The following MEI4 variants were observed in gnomAD, a reference collection of about 807,000 sequenced individuals.
MEI4 encodes the protein meiotic double-stranded break formation protein 4.
MEI4 carries 27 observed loss-of-function variants against 31.4 expected under a neutral mutation model. The observed-to-expected ratio is 0.86, with a 90% CI of 0.63 to 1.19. The LOEUF is 1.19. MEI4 is among the 50% of genes most tolerant of loss of function. The pLI, the probability that MEI4 is intolerant of heterozygous loss-of-function variation, is 0.00. For synonymous variants in MEI4, 122 were observed against 145.4 expected (o/e 0.84, Z 1.16); for missense variants, 329 against 398.9 (o/e 0.82, Z 1.49).
At chr6:77,911,337 A>C (rs957058112) in intron 4 of MEI4, among the ~76,000 whole-genome samples, 1 of 151,980 alleles carries the variant, frequency 6.6e-6, no homozygotes, top group Admixed American at 6.6e-5. Context: ...CACAGGGTAC[A>C]TATGCAAGTT....
intron 3 of MEI4, among the ~76,000 whole-genome samples, chr6:77,823,312 C>CT (rs578161964): frequency 7.7e-4 from 117 of 152,282 alleles, no homozygotes; most frequent in Non-Finnish European, 1.5e-3. Context: ...TACCTTCACT[C>CT]TAAGTACACT....
intron 2 of MEI4, among the ~76,000 whole-genome samples, chr6:77,759,561 A>G (rs1561978057): frequency 6.6e-6 from 1 of 152,066 alleles, no homozygotes; most frequent in Non-Finnish European, 1.5e-5. Context: ...TTACTATTTC[A>G]TTTGGCAGCA....
chr6:77,801,872 G>C (rs1769271485), intron 3 of MEI4, among the ~76,000 whole-genome samples: 1 of 152,150 alleles, frequency 6.6e-6, no homozygotes, highest in Admixed American at 6.6e-5. Context: ...TTTTACATTT[G>C]CTGAGGAGTG....
At chr6:77,699,615 C>A (rs1766159717) in intron 2 of MEI4, among the ~76,000 whole-genome samples, 1 of 152,182 alleles carries the variant, frequency 6.6e-6, no homozygotes. Flanking sequence ...TGTTCCATTG[C>A]TGGTGAGGAG....
chr6:77,916,778 T>C (rs1442084119), intron 4 of MEI4, among the ~76,000 whole-genome samples: 1 of 142,544 alleles, frequency 7.0e-6, no homozygotes, highest in Non-Finnish European at 1.5e-5. Context: ...TTTTTTTTTT[T>C]AATATTATAC....
chr6:77,694,777 C>T (rs1765974181), intron 2 of MEI4, among the ~76,000 whole-genome samples: 1 of 151,710 alleles, frequency 6.6e-6, no homozygotes, highest in Non-Finnish European at 1.5e-5. Context: ...GGTATATACC[C>T]AGTAATGGGA....
chr6:77,748,433 C>T (rs756719940), intron 2 of MEI4, among the ~76,000 whole-genome samples: 2 of 152,226 alleles, frequency 1.3e-5, no homozygotes, highest in Non-Finnish European at 2.9e-5. Context: ...CCAAGCTTTA[C>T]TGTGGCCCCT....
At chr6:77,848,534 AAG>A (rs1197799105) in intron 4 of MEI4, among the ~76,000 whole-genome samples, 1 of 152,146 alleles carries the variant, frequency 6.6e-6, no homozygotes, top group Non-Finnish European at 1.5e-5. Context: ...CTAGAGAAAA[AAG>A]AGCAGTATGA....
intron 1 of MEI4, among the ~76,000 whole-genome samples, chr6:77,657,915 C>T (rs1347935762): frequency 6.6e-6 from 1 of 152,190 alleles, no homozygotes; most frequent in Non-Finnish European, 1.5e-5. Flanking sequence ...CTAACCCACA[C>T]TAGTTTATTT....
At chr6:77,839,774 A>G (rs1770312889) in intron 4 of MEI4, among the ~76,000 whole-genome samples, 2 of 152,196 alleles carry the variant, frequency 1.3e-5, no homozygotes, top group South Asian at 4.1e-4. Flanking sequence ...AGCTGCTTTT[A>G]TACTACAAAA....
chr6:77,682,138 T>G (rs1266742723), intron 1 of MEI4, among the ~76,000 whole-genome samples: 1 of 152,210 alleles, frequency 6.6e-6, no homozygotes, highest in African/African-American at 2.4e-5. Context: ...CCAGCTCTGC[T>G]TCACCCCACA....
At chr6:77,766,177 G>C (rs1298184236) in intron 3 of MEI4, among the ~76,000 whole-genome samples, 1 of 152,124 alleles carries the variant, frequency 6.6e-6, no homozygotes, top group Non-Finnish European at 1.5e-5. Flanking sequence ...TTTTCTTTCT[G>C]TTTTAATTAT....
At chr6:77,695,948 G>A (rs1265218265) in intron 2 of MEI4, among the ~76,000 whole-genome samples, 1 of 152,096 alleles carries the variant, frequency 6.6e-6, no homozygotes, top group Non-Finnish European at 1.5e-5. Context: ...ATTGAGCAGT[G>A]GTTTGTAGTT....
chr6:77,869,445 A>G (rs2127724758), intron 4 of MEI4, among the ~76,000 whole-genome samples: 1 of 152,212 alleles, frequency 6.6e-6, no homozygotes, highest in East Asian at 1.9e-4. Context: ...TGATGTCCTT[A>G]TTAGACGGGG....
chr6:77,785,309 G>A (rs183071474), intron 3 of MEI4, among the ~76,000 whole-genome samples: 390 of 152,226 alleles, frequency 2.6e-3, no homozygotes, highest in African/African-American at 9.1e-3. Flanking sequence ...GCCACATTTA[G>A]CATTAACATC....
chr6:77,845,040 A>G (rs1770448070), intron 4 of MEI4, among the ~76,000 whole-genome samples: 1 of 152,052 alleles, frequency 6.6e-6, no homozygotes, highest in South Asian at 2.1e-4. Context: ...AATTCACACT[A>G]CCTTGCCCTG....
intron 2 of MEI4, among the ~76,000 whole-genome samples, chr6:77,750,761 C>T (rs572192548): frequency 1.3e-5 from 2 of 152,246 alleles, no homozygotes; most frequent in East Asian, 3.9e-4. Flanking sequence ...TAGCTCTGGA[C>T]CAAGCAGACC....
At chr6:77,699,106 C>A (rs937625932) in intron 2 of MEI4, among the ~76,000 whole-genome samples, 1 of 152,082 alleles carries the variant, frequency 6.6e-6, no homozygotes, top group Non-Finnish European at 1.5e-5. Context: ...TGAGCCTTGG[C>A]CTTCAGCTCC....
intron 3 of MEI4, among the ~76,000 whole-genome samples, chr6:77,823,223 A>G (rs1347741295): frequency 1.3e-5 from 2 of 152,100 alleles, no homozygotes; most frequent in South Asian, 2.1e-4. Context: ...ATGTATTTTT[A>G]TAGTATATAT....
Sources: gnomAD v4.1 joint callset for allele counts (sites outside exome capture counted in the v4.1 genomes callset) on GRCh38, gnomAD v4.1.1 for gene constraint, MANE v1.5 for transcripts, NCBI Gene and HGNC (gene_info 2026-07-23, HGNC 2026-07-21) for gene names.